CERS6: variants seen among roughly 807,000 people sequenced by gnomAD.
CERS6 encodes the protein LAG1 homolog, ceramide synthase 6.
A neutral mutation model predicts 56.8 loss-of-function variants in CERS6; 26 were observed. That is an observed-to-expected ratio of 0.46 (90% CI 0.34 to 0.63). CERS6 has a LOEUF of 0.63. Ranked by LOEUF, CERS6 falls within the 30% of genes least tolerant of loss-of-function variation. The pLI is 0.01. For missense variants in CERS6, 415 were observed against 467.5 expected (o/e 0.89, Z 1.04); for synonymous variants, 164 against 173.3 (o/e 0.95, Z 0.42).
chr2:168,587,328 A>G (rs1159646474), intron 3 of CERS6, among the ~76,000 whole-genome samples: 1 of 152,224 alleles, frequency 6.6e-6, no homozygotes, highest in Non-Finnish European at 1.5e-5. Context: ...TTGTGTTACA[A>G]ATGACCAGGG....
At chr2:168,650,482 C>G (rs1367841878) in intron 4 of CERS6, among the ~76,000 whole-genome samples, 1 of 152,152 alleles carries the variant, frequency 6.6e-6, no homozygotes, top group African/African-American at 2.4e-5. Flanking sequence ...TTCTTTGGCC[C>G]TACCAACAAA....
intron 1 of CERS6, among the ~76,000 whole-genome samples, chr2:168,493,629 C>T (rs1362940344): frequency 1.3e-5 from 2 of 152,008 alleles, no homozygotes; most frequent in African/African-American, 4.8e-5. Context: ...GTAATATGGC[C>T]TTCAGATCAA....
intron 1 of CERS6, among the ~76,000 whole-genome samples, chr2:168,530,410 T>C (rs1164109928): frequency 6.6e-6 from 1 of 152,226 alleles, no homozygotes; most frequent in Non-Finnish European, 1.5e-5. Flanking sequence ...ACCACAATAC[T>C]GTGCAAATAT....
chr2:168,507,965 T>G (rs2105348883), intron 1 of CERS6, among the ~76,000 whole-genome samples: 1 of 152,326 alleles, frequency 6.6e-6, no homozygotes, highest in South Asian at 2.1e-4. Context: ...ACATTAAAAA[T>G]GAGCTGATAT....
chr2:168,622,243 A>G (rs1050559128), intron 3 of CERS6, among the ~76,000 whole-genome samples: 1 of 151,864 alleles, frequency 6.6e-6, no homozygotes, highest in African/African-American at 2.4e-5. Flanking sequence ...CACTAACACT[A>G]AGGATAGTCA....
intron 6 of CERS6, among the ~76,000 whole-genome samples, chr2:168,710,068 C>G (rs1687052048): frequency 1.3e-5 from 2 of 152,194 alleles, no homozygotes; most frequent in South Asian, 2.1e-4. Context: ...AACTGTGAGT[C>G]CTTCAGTAAT....
chr2:168,482,092 C>T (rs950039879), intron 1 of CERS6, among the ~76,000 whole-genome samples: 1 of 152,162 alleles, frequency 6.6e-6, no homozygotes, highest in Non-Finnish European at 1.5e-5. Context: ...TAAATTATGG[C>T]ATTTAAACTT....
At chr2:168,470,361 G>C (rs897868579) in intron 1 of CERS6, among the ~76,000 whole-genome samples, 1 of 152,102 alleles carries the variant, frequency 6.6e-6, no homozygotes, top group African/African-American at 2.4e-5. Flanking sequence ...TGGCTTCTCT[G>C]TCTCGCCCTA....
intron 1 of CERS6, among the ~76,000 whole-genome samples, chr2:168,461,886 T>C (rs1320218888): frequency 2.0e-5 from 3 of 152,214 alleles, no homozygotes; most frequent in Non-Finnish European, 4.4e-5. Flanking sequence ...GTTTCAGAAG[T>C]GGTTGCTCTT....
intron 4 of CERS6, among the ~76,000 whole-genome samples, chr2:168,635,079 T>C (rs556510165): frequency 1.3e-5 from 2 of 152,304 alleles, no homozygotes; most frequent in Non-Finnish European, 2.9e-5. Flanking sequence ...GTAAGCTCCT[T>C]ATGTTGTTGT....
chr2:168,758,991 C>CCA (rs1684492453), intron 8 of CERS6, among the ~76,000 whole-genome samples: 1 of 152,060 alleles, frequency 6.6e-6, no homozygotes, highest in Non-Finnish European at 1.5e-5. Context: ...TGTATGCATC[C>CCA]CACACACACA....
intron 8 of CERS6, among the ~76,000 whole-genome samples, chr2:168,743,216 GTGTGTGTGTATATATATA>G (rs1683977323): frequency 2.4e-5 from 3 of 124,758 alleles, no homozygotes; most frequent in African/African-American, 7.9e-5. Flanking sequence ...GTGTGTGTAT[GTGTGTGTGTATATATATA>G]TGTGTGTGTG....
At chr2:168,497,147 ACT>A (rs949685556) in intron 1 of CERS6, among the ~76,000 whole-genome samples, 17 of 152,134 alleles carry the variant, frequency 1.1e-4, no homozygotes, top group Non-Finnish European at 2.2e-4. Context: ...GGAGTAGAAT[ACT>A]CTCTTAGAGA....
intron 3 of CERS6, among the ~76,000 whole-genome samples, chr2:168,582,776 A>C (rs7583332): frequency 0.13 from 20,154 of 152,180 alleles, 2,544 homozygotes; most frequent in African/African-American, 0.33. Flanking sequence ...GCATACATAC[A>C]ACAGCTTTAG....
At chr2:168,553,124 A>AGGAAACAC (rs1280355711) in intron 2 of CERS6, among the ~76,000 whole-genome samples, 1 of 152,146 alleles carries the variant, frequency 6.6e-6, no homozygotes, top group Non-Finnish European at 1.5e-5. Context: ...GGAAGAAGGC[A>AGGAAACAC]GGAAACACTA....
intron 8 of CERS6, among the ~76,000 whole-genome samples, chr2:168,761,384 G>A (rs74747547): frequency 1.4e-3 from 208 of 152,262 alleles, no homozygotes; most frequent in African/African-American, 4.6e-3. Context: ...TAAGCCAAGC[G>A]GTAGCATCAG....
chr2:168,620,970 C>T (rs1416549544), intron 3 of CERS6, among the ~76,000 whole-genome samples: 1 of 151,956 alleles, frequency 6.6e-6, no homozygotes, highest in Non-Finnish European at 1.5e-5. Flanking sequence ...AGTATGTTGC[C>T]CAGGCTAGTC....
At chr2:168,683,723 A>T (rs1375044458) in intron 4 of CERS6, among the ~76,000 whole-genome samples, 1 of 151,848 alleles carries the variant, frequency 6.6e-6, no homozygotes, top group Non-Finnish European at 1.5e-5. Flanking sequence ...GGTCTCTTTT[A>T]CTTTGCAGTG....
intron 9 of CERS6, chr2:168,766,235 C>A: frequency 7.9e-7 from 1 of 1,260,550 alleles, no homozygotes; most frequent in Non-Finnish European, 1.1e-6. Flanking sequence ...TCAGCCCCAA[C>A]CCTGTGTGTA....
Sources: gnomAD v4.1 joint callset for allele counts (sites outside exome capture counted in the v4.1 genomes callset) on GRCh38, gnomAD v4.1.1 for gene constraint, MANE v1.5 for transcripts, NCBI Gene and HGNC (gene_info 2026-07-23, HGNC 2026-07-21) for gene names.